Variants in ZNF710 observed in about 807,000 individuals in gnomAD.
The protein encoded by ZNF710 is zinc finger protein 710.
ZNF710 carries 13 observed loss-of-function variants against 50.6 expected under a neutral mutation model. That is an observed-to-expected ratio of 0.26 (90% CI 0.17 to 0.41). ZNF710 has a LOEUF of 0.41. ZNF710 is among the 10% of genes least tolerant of loss of function. ZNF710 has a pLI of 1.00. For missense variants in ZNF710, 721 were observed against 936.6 expected, an observed-to-expected ratio of 0.77 and a Z score of 3.01; for synonymous variants, 383 against 397.0, an observed-to-expected ratio of 0.96 and a Z score of 0.42.
chr15:90,026,981 C>T (rs548267609), intron 1 of ZNF710, among the ~76,000 whole-genome samples: 1 of 152,246 alleles, frequency 6.6e-6, no homozygotes, highest in Non-Finnish European at 1.5e-5. Context: ...TCTGCCATCA[C>T]CATCACTATT....
At chr15:90,047,341 A>G (rs1034759024) in intron 1 of ZNF710, among the ~76,000 whole-genome samples, 1 of 152,164 alleles carries the variant, frequency 6.6e-6, no homozygotes, top group Non-Finnish European at 1.5e-5. Flanking sequence ...ACATATTTTA[A>G]CTGGTGAGGC....
At chr15:90,029,173 G>A (rs1898861041) in intron 1 of ZNF710, among the ~76,000 whole-genome samples, 2 of 152,182 alleles carry the variant, frequency 1.3e-5, no homozygotes, top group South Asian at 2.1e-4. Context: ...AATAAATGTG[G>A]GTGTGGAATG....
At chr15:90,041,512 C>G (rs1388369979) in intron 1 of ZNF710, among the ~76,000 whole-genome samples, 1 of 152,136 alleles carries the variant, frequency 6.6e-6, no homozygotes, top group African/African-American at 2.4e-5. Flanking sequence ...TTCTTTATAT[C>G]TTTTTCAAAG....
chr15:90,043,060 C>T (rs572499553), intron 1 of ZNF710, among the ~76,000 whole-genome samples: 23 of 152,340 alleles, frequency 1.5e-4, no homozygotes, highest in Non-Finnish European at 2.8e-4. Flanking sequence ...AGCAGTCCCT[C>T]GAGGGGACAG....
At chr15:90,072,082 G>A (rs948220095) in intron 2 of ZNF710, among the ~76,000 whole-genome samples, 2 of 152,160 alleles carry the variant, frequency 1.3e-5, no homozygotes, top group African/African-American at 4.8e-5. Flanking sequence ...GGGATTACAG[G>A]TGTGAGCCAC....
rs1156977897 is a variant in ZNF710 at position 90,034,492 on chromosome 15, G to A, written c.-28-32618G>A. Among the ~76,000 whole-genome samples the A allele has an allele frequency of 6.7e-6, 1 of 149,098 alleles. No individual in the cohort carries two copies. Among genetic ancestry groups the A allele is most frequent in the African/African-American group, 2.5e-5 (1 of 40,676 alleles). ...TGTGTGTGTATTCTGTGCCTGTGGT[G>A]GTGGTGGCCATGGTGTCGGCAGCAG... On this transcript the variant is annotated intron_variant, in intron 1 of 4. Transcript: ENST00000268154. The surrounding 1 kb of genome is among the most constrained non-coding windows in gnomAD (Gnocchi z 4.0).
At position 90,057,514 on chromosome 15, in the gene ZNF710, G is replaced by A. The variant is rs545448535; in HGVS notation, c.-28-9596G>A. On this transcript the variant is annotated intron_variant, in intron 1 of 4. Coordinates refer to ENST00000268154, the MANE Select transcript of ZNF710 (RefSeq NM_198526.4). ...AGTTTGAGACCAGCCTGGGTAACAC[G>A]GTGAAACACCATGTCTACTAAAAAA... Among the ~76,000 whole-genome samples, 16 of 151,998 alleles carry A rather than the reference G, an allele frequency of 1.1e-4. 1 individual carries two copies. The highest frequency in any genetic ancestry group is 2.9e-4 in the African/African-American group (12 of 41,424).
chr15:90,077,068 C>G (rs915904826), intron 4 of ZNF710, among the ~76,000 whole-genome samples: 14 of 152,076 alleles, frequency 9.2e-5, no homozygotes, highest in Non-Finnish European at 1.9e-4. Context: ...AGCATACATT[C>G]TAGACAGAAC....
At chr15:90,018,421 GC>G (rs1338978801) in intron 1 of ZNF710, among the ~76,000 whole-genome samples, 4 of 152,094 alleles carry the variant, frequency 2.6e-5, no homozygotes, top group African/African-American at 9.7e-5. Flanking sequence ...GCCTACCGTG[GC>G]CTCCCAAAGT....
At chr15:90,060,044 T>A (rs1348747722) in intron 1 of ZNF710, among the ~76,000 whole-genome samples, 1 of 152,002 alleles carries the variant, frequency 6.6e-6, no homozygotes, top group Non-Finnish European at 1.5e-5. Flanking sequence ...CCGCTCTTGC[T>A]CTGTTGGGTC....
chr15:90,048,535 C>T (rs770603369), intron 1 of ZNF710, among the ~76,000 whole-genome samples: 1 of 151,982 alleles, frequency 6.6e-6, no homozygotes, highest in Non-Finnish European at 1.5e-5. Flanking sequence ...GGGGCCAGCA[C>T]GGGGCAGGGT....
intron 1 of ZNF710, among the ~76,000 whole-genome samples, chr15:90,027,206 TTTC>T (rs1196697569): frequency 1.3e-5 from 2 of 152,120 alleles, no homozygotes; most frequent in Non-Finnish European, 1.5e-5. Context: ...GTAACTTCTT[TTTC>T]TTCTTCTGTT....
At chr15:90,037,545 C>T (rs111947652) in intron 1 of ZNF710, among the ~76,000 whole-genome samples, 27 of 152,272 alleles carry the variant, frequency 1.8e-4, no homozygotes, top group African/African-American at 5.8e-4. Flanking sequence ...CAGTCACCAG[C>T]GAGTACCACC....
At position 90,034,228 on chromosome 15, in the gene ZNF710, A is replaced by AAAAG. The variant is rs1190174999; in HGVS notation, c.-29+32617_-29+32618insGAAA. Reference sequence around the variant, plus strand: ...AAAAGAAAAGAAAAGAAAAGAAAAGAAAACAGGTGAACGACAGTCACTCCT... The same window carrying AAAAG: ...AAAAGAAAAGAAAAGAAAAGAAAAGAAAAGAAACAGGTGAACGACAGTCACTCCT... On this transcript the variant is annotated intron_variant, in intron 1 of 4. Coordinates refer to ENST00000268154, the MANE Select transcript of ZNF710 (RefSeq NM_198526.4). The surrounding 1 kb of genome is among the most constrained non-coding windows in gnomAD (Gnocchi z 4.0). 1.3e-5 allele frequency among the ~76,000 whole-genome samples: 2 copies of AAAAG among 151,894 alleles called. No homozygotes were observed. Among genetic ancestry groups the AAAAG allele is most frequent in the African/African-American group, 4.8e-5 (2 of 41,392 alleles).
chr15:90,029,830 G>A (rs1015540609), intron 1 of ZNF710, among the ~76,000 whole-genome samples: 14 of 151,370 alleles, frequency 9.2e-5, no homozygotes, highest in African/African-American at 3.4e-4. Context: ...GGCCAGGCTG[G>A]TCTCAAACTC....
chr15:90,000,456 GCGCCCCCCAGCAGTGC>G (rs1897984214), upstream of ZNF710, among the ~76,000 whole-genome samples: 1 of 152,068 alleles, frequency 6.6e-6, no homozygotes, highest in Admixed American at 6.5e-5. Context: ...CCACGCCTCG[GCGCCCCCCAGCAGTGC>G]GCCCCGGGGC....
intron 1 of ZNF710, among the ~76,000 whole-genome samples, chr15:90,047,539 T>G (rs1305504830): frequency 6.6e-6 from 1 of 152,084 alleles, no homozygotes; most frequent in African/African-American, 2.4e-5. Context: ...CTGGCTCAAA[T>G]ATCACAGCAT....
intron 3 of ZNF710, 107 bp downstream of exon 3, chr15:90,073,369 C>A: frequency 7.5e-7 from 1 of 1,330,538 alleles, no homozygotes; most frequent in Non-Finnish European, 1.0e-6. Flanking sequence ...CCAGTGCGGG[C>A]AAGAGGAGCC....
intron 1 of ZNF710, among the ~76,000 whole-genome samples, chr15:90,055,550 G>C (rs760414367): frequency 6.6e-6 from 1 of 152,202 alleles, no homozygotes; most frequent in African/African-American, 2.4e-5. Flanking sequence ...GTGGGATGTC[G>C]TGACCGATTG....
Sources: gnomAD v4.1 joint callset for allele counts (sites outside exome capture counted in the v4.1 genomes callset) on GRCh38, gnomAD v4.1.1 for gene constraint, Gnocchi (gnomAD v3.1) non-coding constraint, MANE v1.5 for transcripts, NCBI Gene and HGNC (gene_info 2026-07-23, HGNC 2026-07-21) for gene names.